The following PCDHGB2 variants were observed in gnomAD, a reference collection of about 807,000 sequenced individuals.
PCDHGB2 encodes the protein protocadherin gamma subfamily B, 2, also known as protocadherin gamma-B2.
A neutral mutation model predicts 59.3 loss-of-function variants in PCDHGB2; 55 were observed. The observed-to-expected ratio is 0.93, with a 90% CI of 0.75 to 1.16. The LOEUF (loss-of-function observed/expected upper bound fraction) is 1.16, where lower values mean the gene tolerates loss of function less well. Ranked by LOEUF, PCDHGB2 falls within the 50% of genes most tolerant of loss-of-function variation. The pLI is 0.00. For synonymous variants in PCDHGB2, 516 were observed against 512.0 expected, an observed-to-expected ratio of 1.01 and a Z score of -0.11; for missense variants, 1,228 against 1,198.5, an observed-to-expected ratio of 1.02 and a Z score of -0.36.
chr5:141,376,266 C>T (rs200515281), intron 1 of PCDHGB2: 171 of 1,614,088 alleles, frequency 1.1e-4, no homozygotes, highest in Non-Finnish European at 1.3e-4. Context: ...CTGCAGGCTT[C>T]GGGAGGTGGC....
chr5:141,390,746 T>C (rs1391007986), intron 1 of PCDHGB2: 1 of 172,782 alleles, frequency 5.8e-6, no homozygotes, highest in African/African-American at 2.4e-5. Context: ...TCCATAGTAG[T>C]CCACTGTTTT....
At chr5:141,395,095 C>G in intron 1 of PCDHGB2, 1 of 1,614,174 alleles carries the variant, frequency 6.2e-7, no homozygotes, top group Non-Finnish European at 8.5e-7. Flanking sequence ...TCCCTCACCG[C>G]CGACTCGCGG....
intron 1 of PCDHGB2, chr5:141,478,642 T>C (rs777741719): frequency 6.4e-7 from 1 of 1,552,350 alleles, no homozygotes; most frequent in Non-Finnish European, 8.7e-7. Context: ...GTGATGAAGA[T>C]GTTTTCCTGG....
intron 1 of PCDHGB2, chr5:141,383,525 A>C: frequency 6.2e-7 from 1 of 1,612,320 alleles, no homozygotes; most frequent in Non-Finnish European, 8.5e-7. Context: ...CGGGTTCACC[A>C]CCTGGTCCTC....
At chr5:141,392,721 G>A (rs1169584002) in intron 1 of PCDHGB2, 25 of 1,390,348 alleles carry the variant, frequency 1.8e-5, no homozygotes, top group South Asian at 3.2e-5. Context: ...CAGGTTTCCG[G>A]AGGATTGTCA....
At chr5:141,400,441 G>T (rs757449650) in intron 1 of PCDHGB2, 29 of 1,613,966 alleles carry the variant, frequency 1.8e-5, no homozygotes, top group Non-Finnish European at 2.1e-5. Flanking sequence ...ATTGAGTTCA[G>T]GACAAGACAT....
intron 1 of PCDHGB2, chr5:141,423,124 C>T (rs748586131): frequency 1.9e-6 from 3 of 1,613,778 alleles, no homozygotes; most frequent in Non-Finnish European, 1.7e-6. Context: ...AGCGCGGGCA[C>T]TGCTGGACAG....
chr5:141,475,128 C>T (rs775275292), intron 1 of PCDHGB2, among the ~76,000 whole-genome samples: 3 of 151,894 alleles, frequency 2.0e-5, no homozygotes, highest in Non-Finnish European at 4.4e-5. Context: ...GGCTTTTTTT[C>T]TTTTTGAAAT....
intron 1 of PCDHGB2, chr5:141,433,201 CTTCT>C (rs759014851): frequency 3.9e-5 from 61 of 1,573,466 alleles, no homozygotes; most frequent in Admixed American, 1.2e-4. Flanking sequence ...TATATCAAAT[CTTCT>C]TTCTTTTTTT....
At chr5:141,458,386 G>A (rs1037969327) in intron 1 of PCDHGB2, among the ~76,000 whole-genome samples, 3 of 152,188 alleles carry the variant, frequency 2.0e-5, no homozygotes, top group African/African-American at 4.8e-5. Context: ...GAAGGAAGAC[G>A]CTCCCCCTTG....
chr5:141,382,453 G>A (rs1300977672), intron 1 of PCDHGB2, among the ~76,000 whole-genome samples: 1 of 152,202 alleles, frequency 6.6e-6, no homozygotes, highest in Non-Finnish European at 1.5e-5. Flanking sequence ...GCAAGGCAAA[G>A]CAGTTTTTTA....
chr5:141,428,536 A>G (rs981530261), intron 1 of PCDHGB2: 1 of 273,778 alleles, frequency 3.7e-6, no homozygotes, highest in Non-Finnish European at 7.2e-6. Flanking sequence ...TTTTCTCACC[A>G]TGACACCAGA....
chr5:141,423,497 AG>A (rs1269176785), intron 1 of PCDHGB2: 1 of 1,613,940 alleles, frequency 6.2e-7, no homozygotes, highest in Non-Finnish European at 8.5e-7. Flanking sequence ...TATTCCCACG[AG>A]GTCTCTCTCA....
intron 1 of PCDHGB2, chr5:141,371,242 A>C: frequency 6.2e-7 from 1 of 1,614,034 alleles, no homozygotes; most frequent in Non-Finnish European, 8.5e-7. Flanking sequence ...GCCTTCATCA[A>C]TATTGGCAAG....
At chr5:141,423,089 G>A in intron 1 of PCDHGB2, 1 of 1,614,016 alleles carries the variant, frequency 6.2e-7, no homozygotes, top group Non-Finnish European at 8.5e-7. Flanking sequence ...TTCGCGGTGG[G>A]GGAGCACACG....
At chr5:141,371,039 G>A (rs1233349729) in intron 1 of PCDHGB2, 1 of 1,613,848 alleles carries the variant, frequency 6.2e-7, no homozygotes, top group Admixed American at 1.7e-5. Context: ...TCACAGCTGT[G>A]GATGGGGGCG....
chr5:141,507,522 C>G (rs560304194), intron 3 of PCDHGB2, among the ~76,000 whole-genome samples: 365 of 152,096 alleles, frequency 2.4e-3, no homozygotes, highest in African/African-American at 8.1e-3. Context: ...GCTATGATTC[C>G]AGAGAGGCCA....
intron 1 of PCDHGB2, chr5:141,423,750 T>TG (rs144521096): frequency 0.16 from 45,934 of 282,282 alleles, 1,791 homozygotes; most frequent in African/African-American, 0.37. Context: ...GAAAACTGTT[T>TG]GGGGGGGGGG....
chr5:141,463,438 CTTTTTTTTTTTT>C (rs71576115), intron 1 of PCDHGB2, among the ~76,000 whole-genome samples: 6 of 103,254 alleles, frequency 5.8e-5, no homozygotes, highest in Admixed American at 3.1e-4. Flanking sequence ...TTTCCTTCTC[CTTTTTTTTTTTT>C]TTTTTTTTTT....
Sources: gnomAD v4.1 joint callset for allele counts (sites outside exome capture counted in the v4.1 genomes callset) on GRCh38, gnomAD v4.1.1 for gene constraint, MANE v1.5 for transcripts, NCBI Gene and HGNC (gene_info 2026-07-23, HGNC 2026-07-21) for gene names.